TMCO6: variants seen among roughly 807,000 people sequenced by gnomAD.
TMCO6 encodes the protein transmembrane and coiled-coil domain-containing protein 6.
Under a neutral mutation model 61.8 loss-of-function variants are expected in TMCO6, and 47 were observed. That is an observed-to-expected ratio of 0.76 (90% confidence interval 0.60 to 0.97). The LOEUF (loss-of-function observed/expected upper bound fraction) is 0.97. Among genes scored for constraint, TMCO6 ranks in the 50% least tolerant of loss-of-function variants. The pLI, the probability that TMCO6 is intolerant of heterozygous loss-of-function variation, is 0.00. For missense variants in TMCO6, 557 were observed against 601.6 expected, an observed-to-expected ratio of 0.93 and a Z score of 0.78; for synonymous variants, 261 against 254.2, an observed-to-expected ratio of 1.03 and a Z score of -0.25.
At chr5:140,615,461 C>T in the TMCO6 span, among the ~76,000 whole-genome samples, 1 of 151,744 alleles carries the variant, frequency 6.6e-6, no homozygotes, top group African/African-American at 2.4e-5. Flanking sequence ...CATATGGAAC[C>T]TCAAGGGATC....
the TMCO6 span, among the ~76,000 whole-genome samples, chr5:140,597,435 T>C: frequency 6.6e-6 from 1 of 152,178 alleles, no homozygotes; most frequent in African/African-American, 2.4e-5. Flanking sequence ...TCAATCTTGT[T>C]AAATTCCAAA....
the TMCO6 span, among the ~76,000 whole-genome samples, chr5:140,605,379 G>A: frequency 1.3e-5 from 2 of 152,014 alleles, no homozygotes; most frequent in East Asian, 1.9e-4. Flanking sequence ...AAATATAAGT[G>A]GTAAAAGTGG....
the TMCO6 span, chr5:140,632,334 CAG>C: frequency 6.2e-7 from 1 of 1,614,078 alleles, no homozygotes; most frequent in Non-Finnish European, 8.5e-7. The surrounding 1 kb of genome is among the most constrained non-coding windows in gnomAD (Gnocchi z 6.2). Context: ...CTTGTGGGGA[CAG>C]AGAGCCGCCA....
Position 140,644,978 on chromosome 5 carries a change from C to A in TMCO6, c.1369-7C>A, listed in dbSNP as rs770202321. On this transcript the variant is annotated splice_region_variant and splice_polypyrimidine_tract_variant and intron_variant, in intron 11 of 11. Coordinates refer to ENST00000394671, the MANE Select transcript of TMCO6 (RefSeq NM_018502.5). ...CAGGTGTGTTGAATTTTCTTCCCTG[C>A]CCCTAGGCTGTTCAGGTCTTCCTGC... is the stretch of plus-strand genomic sequence containing the variant. 1 of 1,613,654 alleles carries A rather than the reference C, an allele frequency of 6.2e-7. No homozygotes were observed. The highest frequency in any genetic ancestry group is 2.2e-5 in the East Asian group (1 of 44,898).
the TMCO6 span, among the ~76,000 whole-genome samples, chr5:140,610,823 T>C: frequency 6.6e-6 from 1 of 152,228 alleles, no homozygotes; most frequent in African/African-American, 2.4e-5. Flanking sequence ...AAAAGCAGTC[T>C]TTTACTATTA....
Position 140,644,182 on chromosome 5 carries a change from G to A in TMCO6, c.1188G>A (p.Val396=). 5 of 1,614,116 alleles carry A rather than the reference G, an allele frequency of 3.1e-6. No individual in the cohort carries two copies. In the South Asian group the frequency reaches 3.3e-5, roughly 11 times the overall value. Residue 396 remains valine (V), a synonymous_variant, in exon 10 of 12, where the codon GTG becomes GTA. Transcript: ENST00000394671. ...TACAGCTGTTGCCAGTATCTAACGT[G>A]GTGAGCGTAATGGTATGTATTGGGG... ...PLLQLLPVSN[V]VSVMVLTVLC...
In TMCO6 at chr5:140,644,691, T is replaced by C. The variant is rs1461792067; in HGVS notation, c.1319T>C (p.Val440Ala). Residue 440 changes from valine (V) to alanine (A), a missense_variant, in exon 11 of 12, where the codon GTA becomes GCA. Val to Ala is a moderately conservative substitution (Grantham distance 64, BLOSUM62 0). Coordinates refer to ENST00000394671, the MANE Select transcript of TMCO6 (RefSeq NM_018502.5). Reference sequence around the variant, plus strand: ...CTAGCCTTTTCTGACACTGAAGTAGTAGGCCAGAGTTTGGAGCTGCTGCAT... The same window carrying C: ...CTAGCCTTTTCTGACACTGAAGTAGCAGGCCAGAGTTTGGAGCTGCTGCAT... ...HTLAFSDTEV[V>A]GQSLELLHLL... 6.2e-7 allele frequency: 1 copy of C among 1,614,242 alleles called. No individual in the cohort carries two copies.
At chr5:140,606,653 G>A in the TMCO6 span, among the ~76,000 whole-genome samples, 5 of 152,182 alleles carry the variant, frequency 3.3e-5, no homozygotes, top group Non-Finnish European at 7.3e-5. Flanking sequence ...CCAGCTGGGT[G>A]TGGTGGCTCA....
At chr5:140,647,021 C>T (rs1402402231), downstream of TMCO6, 9 of 479,186 alleles carry the variant, frequency 1.9e-5, no homozygotes, top group Non-Finnish European at 2.9e-5. Flanking sequence ...ACAAAAACGT[C>T]AGCTCCTGGT....
chr5:140,596,672 GT>G, the TMCO6 span, among the ~76,000 whole-genome samples: 4 of 152,172 alleles, frequency 2.6e-5, no homozygotes, highest in South Asian at 2.1e-4. Context: ...CTCTGTTCCA[GT>G]CCCCCCTAGA....
chr5:140,629,313 T>G, the TMCO6 span, among the ~76,000 whole-genome samples: 1 of 146,114 alleles, frequency 6.8e-6, no homozygotes, highest in Admixed American at 6.7e-5. Flanking sequence ...CTAAAAAAAA[T>G]AATAATAATA....
Position 140,639,477 on chromosome 5 carries a change from T to C in TMCO6, c.-51T>C. 1.4e-5 allele frequency: 21 copies of C among 1,522,560 alleles called. No homozygotes were observed. Among genetic ancestry groups the C allele is most frequent in the East Asian group, 2.5e-5 (1 of 40,756 alleles). 94.3% of individuals were successfully genotyped at this position (1,522,560 alleles called of 1,614,324 possible). A position where few individuals can be genotyped will look rare whatever the true frequency, so the allele number is the denominator to read the frequency against. On this transcript the variant is annotated 5_prime_UTR_variant, in exon 1 of 12. Transcript: ENST00000394671. ...CAGTCGGTGCCATCTTCTACGCCCC[T>C]GGGAGCGTTGTGGCTGCTGTTTCCT... is the stretch of plus-strand genomic sequence containing the variant.
chr5:140,616,118 C>T, the TMCO6 span, among the ~76,000 whole-genome samples: 4 of 144,034 alleles, frequency 2.8e-5, no homozygotes, highest in Non-Finnish European at 4.5e-5. Flanking sequence ...GGCAACAGAG[C>T]GAGACTCCAT....
At chr5:140,603,320 A>T in the TMCO6 span, among the ~76,000 whole-genome samples, 141 of 151,022 alleles carry the variant, frequency 9.3e-4, 1 homozygote, top group African/African-American at 3.2e-3. Flanking sequence ...ATTTTATTTT[A>T]TTTTTGAAGC....
At chr5:140,630,339 T>C in the TMCO6 span, among the ~76,000 whole-genome samples, 1 of 152,014 alleles carries the variant, frequency 6.6e-6, no homozygotes, top group Admixed American at 6.5e-5. Context: ...CAATCAGATA[T>C]GTTACATCAC....
At chr5:140,621,827 G>A in the TMCO6 span, among the ~76,000 whole-genome samples, 1 of 152,198 alleles carries the variant, frequency 6.6e-6, no homozygotes, top group Non-Finnish European at 1.5e-5. Context: ...GGTTGAGGCT[G>A]TAGGAGTGAA....
intron 10 of TMCO6, 35 bp from the exon 11 acceptor site, chr5:140,644,538 C>G (rs756502169): frequency 6.2e-7 from 1 of 1,602,494 alleles, no homozygotes; most frequent in Non-Finnish European, 8.5e-7. Flanking sequence ...CTTTGTGTTT[C>G]ATTCTTTGTA....
At chr5:140,631,857 T>C in the TMCO6 span, 2 of 1,548,728 alleles carry the variant, frequency 1.3e-6, no homozygotes, top group South Asian at 1.2e-5. Flanking sequence ...TCTTGGATCT[T>C]AGGCAAAGCC....
chr5:140,640,077 T>A (rs1012755744), intron 2 of TMCO6, among the ~76,000 whole-genome samples: 37 of 152,040 alleles, frequency 2.4e-4, no homozygotes, highest in Admixed American at 2.3e-3. Flanking sequence ...AGCTTTGGAG[T>A]CTTTACATGC....
Sources: allele counts gnomAD v4.1 joint callset (sites outside exome capture counted in the v4.1 genomes callset), GRCh38; gene constraint gnomAD v4.1.1; non-coding constraint Gnocchi (gnomAD v3.1); transcripts MANE v1.5; gene names NCBI Gene and HGNC (gene_info 2026-07-23, HGNC 2026-07-21).